RBBP5: variants seen among roughly 807,000 people sequenced by gnomAD.
RBBP5 encodes the protein RB binding protein 5, histone lysine methyltransferase complex subunit.
RBBP5 carries 5 observed loss-of-function variants against 72.2 expected under a neutral mutation model. The ratio of observed to expected loss-of-function variants is 0.07; its 90% CI spans 0.04 to 0.15. RBBP5 has a LOEUF of 0.15. Ranked by LOEUF, RBBP5 falls within the 10% of genes least tolerant of loss-of-function variation. The pLI is 1.00. For synonymous variants in RBBP5, 209 were observed against 237.2 expected (o/e 0.88, Z 1.09); for missense variants, 322 against 652.2 (o/e 0.49, Z 5.51).
At chr1:205,116,272 G>A (rs370580864) in intron 1 of RBBP5, 1 of 368,986 alleles carries the variant, frequency 2.7e-6, no homozygotes, top group South Asian at 2.1e-5. Flanking sequence ...AACATGTAAT[G>A]GATTTATTAT....
chr1:205,089,968 C>T (rs868436954), intron 13 of RBBP5, among the ~76,000 whole-genome samples: 42 of 152,214 alleles, frequency 2.8e-4, no homozygotes, highest in African/African-American at 9.7e-4. Context: ...TCTCCTGCCT[C>T]AACCTCCTAA....
chr1:205,118,486 G>A (rs1207617602), intron 1 of RBBP5, among the ~76,000 whole-genome samples: 1 of 151,994 alleles, frequency 6.6e-6, no homozygotes, highest in African/African-American at 2.4e-5. Flanking sequence ...GGTGGCACAC[G>A]CCTGTAATCC....
chr1:205,100,025 T>C lies in RBBP5; in HGVS notation c.792A>G (p.Glu264=), dbSNP rs1655758046. The C allele has an allele frequency of 6.2e-7, 1 of 1,614,160 alleles. No individual in the cohort carries two copies. Among genetic ancestry groups the C allele is most frequent in the Non-Finnish European group, 8.5e-7 (1 of 1,180,000 alleles). ...WKKCCFSGDG[E]YIVAGSARQH... is the part of the protein sequence containing the mutation. ...GCCGGGCAGAACCTGCCACGATGTA[T>C]TCCCCATCCCCAGAGAAACAACATT... Residue 264 remains glutamate (E), a synonymous_variant, in exon 8 of 14, where the codon GAA becomes GAG. Coordinates refer to ENST00000264515, the MANE Select transcript of RBBP5 (RefSeq NM_005057.4).
chr1:205,120,554 A>T (rs1356120551), intron 1 of RBBP5, among the ~76,000 whole-genome samples: 3 of 152,142 alleles, frequency 2.0e-5, no homozygotes, highest in African/African-American at 7.2e-5. Context: ...GGCTGAGGTG[A>T]GTGGATTGCT....
chr1:205,096,421 T>C (rs959682490), intron 12 of RBBP5, among the ~76,000 whole-genome samples: 3 of 152,054 alleles, frequency 2.0e-5, no homozygotes, highest in Non-Finnish European at 4.4e-5. Flanking sequence ...AAAAGAAGAA[T>C]GGTATAATAA....
At position 205,099,138 on chromosome 1, in the gene RBBP5, G is replaced by A. The variant is rs1655725527; in HGVS notation, c.979-32C>T. ...AACAAGATATACTACTTAACCATAT[G>A]TGAAAGCAATAATCTGTAATCTACA... On this transcript the variant is annotated intron_variant, in intron 9 of 13. Coordinates refer to ENST00000264515, the MANE Select transcript of RBBP5 (RefSeq NM_005057.4). The surrounding 1 kb of genome is among the most constrained non-coding windows in gnomAD (Gnocchi z 4.7). 1.5e-6 allele frequency: 2 copies of A among 1,295,426 alleles called. No individual in the cohort carries two copies. Among genetic ancestry groups the A allele is most frequent in the South Asian group, 2.7e-5 (2 of 74,686 alleles). The allele number at this position is 1,295,426 out of a possible 1,614,324, so 80.2% of individuals were successfully genotyped here.
chr1:205,100,383 G>C lies in RBBP5; in HGVS notation c.633-112C>G. ...GAGGAAAAATCAAAGTAATAGACTAGAATATTTATATATCTACTTGTCATC... is the reference window on the plus strand; with the variant it reads ...GAGGAAAAATCAAAGTAATAGACTACAATATTTATATATCTACTTGTCATC... On this transcript the variant is annotated intron_variant, in intron 6 of 13. Transcript: ENST00000264515. 4 of 1,288,106 alleles carry C rather than the reference G, an allele frequency of 3.1e-6. No individual in the cohort carries two copies. The South Asian group carries it at 5.9e-5, about 19-fold the overall frequency. The allele number at this position is 1,288,106 out of a possible 1,614,324, so 79.8% of individuals were successfully genotyped here. A position where few individuals can be genotyped will look rare whatever the true frequency, so the allele number is the denominator to read the frequency against.
At chr1:205,118,669 C>A (rs1176229089) in intron 1 of RBBP5, among the ~76,000 whole-genome samples, 1 of 152,036 alleles carries the variant, frequency 6.6e-6, no homozygotes. Context: ...TCAGAGAACA[C>A]TGAACATAAC....
intron 1 of RBBP5, 124 bp downstream of exon 1, chr1:205,121,731 G>C: frequency 6.8e-7 from 1 of 1,474,410 alleles, no homozygotes. Context: ...CTCCACATCA[G>C]GTGTGCCCAG....
intron 10 of RBBP5, 150 bp downstream of exon 10, chr1:205,098,839 C>T (rs1310564697): frequency 8.9e-6 from 4 of 451,932 alleles, no homozygotes; most frequent in Non-Finnish European, 1.5e-5. Context: ...AGCGAAATTC[C>T]ATCTCAAAAA....
chr1:205,093,533 TACACACACACAC>T (rs372536310), intron 13 of RBBP5, among the ~76,000 whole-genome samples: 1 of 4,882 alleles, frequency 2.0e-4, no homozygotes, highest in African/African-American at 5.8e-4. Context: ...TATATATATA[TACACACACACAC>T]ACACACACAC....
In RBBP5 at chr1:205,087,968, T is replaced by G. The variant is rs1321467803; in HGVS notation, c.*819A>C. ...AGATTCCCCCACCCCAGTAAAAAAG[T>G]AGCTTGTTGAGAGACACCTGGGTTT... On this transcript the variant is annotated 3_prime_UTR_variant, in exon 14 of 14. Coordinates refer to ENST00000264515, the MANE Select transcript of RBBP5 (RefSeq NM_005057.4). 6.6e-6 allele frequency: 1 copy of G among 152,566 alleles called. No homozygotes were observed. The highest frequency in any genetic ancestry group is 2.1e-4 in the South Asian group (1 of 4,830). The allele number at this position is 152,566 out of a possible 1,614,324, so 9.5% of individuals were successfully genotyped here. A position where few individuals can be genotyped will look rare whatever the true frequency, so the allele number is the denominator to read the frequency against.
intron 1 of RBBP5, among the ~76,000 whole-genome samples, chr1:205,117,314 A>C (rs1409032597): frequency 6.6e-6 from 1 of 151,894 alleles, no homozygotes; most frequent in African/African-American, 2.4e-5. Flanking sequence ...TCAGCTTCCC[A>C]AAGTGCTGAG....
At chr1:205,110,122 C>T (rs375041294) in intron 3 of RBBP5, among the ~76,000 whole-genome samples, 40 of 151,914 alleles carry the variant, frequency 2.6e-4, no homozygotes, top group African/African-American at 9.4e-4. Context: ...CCGGTTCAAG[C>T]GATTCTCCTG....
chr1:205,099,333 C>T lies in RBBP5; in HGVS notation c.979-227G>A, dbSNP rs1655734233. On this transcript the variant is annotated intron_variant, in intron 9 of 13. Transcript: ENST00000264515. The surrounding 1 kb of genome is among the most constrained non-coding windows in gnomAD (Gnocchi z 4.7). ...TAACTGTAGCTCTTTTGAATCACTG[C>T]CTTCTTTGGTCATTTTAGGAATTTA... Among the ~76,000 whole-genome samples, 1 of 152,096 alleles carries T rather than the reference C, an allele frequency of 6.6e-6. No homozygotes were observed. The highest frequency in any genetic ancestry group is 6.5e-5 in the Admixed American group (1 of 15,270).
chr1:205,093,850 C>T (rs917015811), intron 13 of RBBP5, among the ~76,000 whole-genome samples: 9 of 152,000 alleles, frequency 5.9e-5, no homozygotes, highest in African/African-American at 1.9e-4. Flanking sequence ...TTCTGTTTTG[C>T]ACTCTAGTCC....
intron 13 of RBBP5, among the ~76,000 whole-genome samples, chr1:205,093,507 TATATATATATATATATATATATATATAC>T (rs1655469528): frequency 3.4e-3 from 13 of 3,778 alleles, no homozygotes; most frequent in African/African-American, 9.2e-3. Context: ...TATATATATA[TATATATATATATATATATATATATATAC>T]ACACACACAC....
chr1:205,096,536 T>A, intron 12 of RBBP5, 146 bp downstream of exon 12: 3 of 704,296 alleles, frequency 4.3e-6, no homozygotes, highest in Non-Finnish European at 4.8e-6. Context: ...GACGCAATCA[T>A]TATAAAGTTG....
chr1:205,121,305 G>A (rs1339321), intron 1 of RBBP5, among the ~76,000 whole-genome samples: 29,672 of 152,072 alleles, frequency 0.2, 3,171 homozygotes, highest in East Asian at 0.39. Context: ...CCTAGCAAAG[G>A]ACCTTAAACA....
Sources: allele counts gnomAD v4.1 joint callset (sites outside exome capture counted in the v4.1 genomes callset), GRCh38; gene constraint gnomAD v4.1.1; non-coding constraint Gnocchi (gnomAD v3.1); transcripts MANE v1.5; gene names NCBI Gene and HGNC (gene_info 2026-07-23, HGNC 2026-07-21).